KIAA1328: variants seen among roughly 807,000 people sequenced by gnomAD.
KIAA1328 encodes KIAA1328.
In KIAA1328, 52 loss-of-function variants were observed where a neutral mutation model predicts 68.1. The observed-to-expected ratio is 0.76, with a 90% CI of 0.61 to 0.96. The LOEUF (loss-of-function observed/expected upper bound fraction) is 0.96, where lower values mean the gene tolerates loss of function less well. Ranked by LOEUF, KIAA1328 falls within the 40% of genes least tolerant of loss-of-function variation. The pLI, the probability that KIAA1328 is intolerant of heterozygous loss-of-function variation, is 0.00. For missense variants in KIAA1328, 641 were observed against 677.6 expected (o/e 0.95, Z 0.60); for synonymous variants, 232 against 239.4 (o/e 0.97, Z 0.28).
At chr18:36,895,191 T>C (rs1172331946) in intron 5 of KIAA1328, among the ~76,000 whole-genome samples, 1 of 152,204 alleles carries the variant, frequency 6.6e-6, no homozygotes, top group East Asian at 1.9e-4. Flanking sequence ...TTGGGCACTG[T>C]TGTGTACTTG....
rs557604879 is a variant in KIAA1328, at chr18:37,145,885, T to C, written c.1233-14315T>C. On this transcript the variant is annotated intron_variant, in intron 7 of 9. Coordinates refer to ENST00000280020, the MANE Select transcript of KIAA1328 (RefSeq NM_020776.3). ...TTGTGAACAACGTGTGATTTTGTTCTGCATTTTTCTCTAGTCTGACAATCT... is the reference window on the plus strand; with the variant it reads ...TTGTGAACAACGTGTGATTTTGTTCCGCATTTTTCTCTAGTCTGACAATCT... 2.0e-5 allele frequency among the ~76,000 whole-genome samples: 3 copies of C among 152,308 alleles called. No homozygotes were observed. In the South Asian group the frequency reaches 6.2e-4, roughly 32 times the overall value.
In KIAA1328 at chr18:37,224,284, G is replaced by T; in HGVS notation, c.*2057G>T. 5.1e-6 allele frequency: 5 copies of T among 985,414 alleles called. No individual in the cohort carries two copies. The highest frequency in any genetic ancestry group is 6.0e-6 in the Non-Finnish European group (5 of 829,920). The allele number at this position is 985,414 out of a possible 1,614,324, so 61.0% of individuals were successfully genotyped here. On this transcript the variant is annotated 3_prime_UTR_variant, in exon 10 of 10. Transcript: ENST00000280020. ...GGATCACAGTTTCTTGAAGAAGCTT[G>T]TTTGCCTTTAGAAGAATCGTAAACA...
chr18:37,008,581 G>A (rs2053864096), intron 6 of KIAA1328, among the ~76,000 whole-genome samples: 1 of 152,124 alleles, frequency 6.6e-6, no homozygotes, highest in African/African-American at 2.4e-5. Flanking sequence ...CAACTCCAGG[G>A]TCAACCAGAT....
intron 4 of KIAA1328, among the ~76,000 whole-genome samples, 165 bp downstream of exon 4, chr18:36,844,467 T>TA (rs35273169): frequency 1.3e-5 from 2 of 151,930 alleles, no homozygotes; most frequent in African/African-American, 4.8e-5. Context: ...TCAAAAAGCT[T>TA]AAAAAAGAAG....
chr18:37,000,412 G>A (rs1299360961), intron 6 of KIAA1328, among the ~76,000 whole-genome samples: 1 of 151,958 alleles, frequency 6.6e-6, no homozygotes, highest in African/African-American at 2.4e-5. Flanking sequence ...GTAAAAGTGG[G>A]GGACTTCAAC....
At chr18:37,009,418 A>G (rs2053896704) in intron 6 of KIAA1328, among the ~76,000 whole-genome samples, 1 of 152,142 alleles carries the variant, frequency 6.6e-6, no homozygotes, top group African/African-American at 2.4e-5. Context: ...GGGAGTGGAT[A>G]TAGCAGGCAC....
At chr18:37,077,014 A>T (rs960560483) in intron 7 of KIAA1328, among the ~76,000 whole-genome samples, 1 of 152,088 alleles carries the variant, frequency 6.6e-6, no homozygotes, top group Non-Finnish European at 1.5e-5. Context: ...TACCAAAGCC[A>T]GGCAGAGACA....
At chr18:37,205,698 T>C (rs1038222526) in intron 9 of KIAA1328, among the ~76,000 whole-genome samples, 1 of 152,114 alleles carries the variant, frequency 6.6e-6, no homozygotes, top group Non-Finnish European at 1.5e-5. Context: ...AGAGAAGGAA[T>C]GTTGTGGTGG....
intron 9 of KIAA1328, among the ~76,000 whole-genome samples, chr18:37,204,118 T>G (rs1380656781): frequency 1.3e-5 from 2 of 152,146 alleles, no homozygotes; most frequent in Non-Finnish European, 2.9e-5. Context: ...CCGGTGAACC[T>G]AGATTCTAAG....
intron 5 of KIAA1328, among the ~76,000 whole-genome samples, chr18:36,917,849 T>G (rs1598707152): frequency 6.6e-6 from 1 of 152,210 alleles, no homozygotes. Flanking sequence ...GACTGAGGCC[T>G]ACACTCAGGC....
Position 36,876,031 on chromosome 18 carries a change from G to A in KIAA1328, c.333-9526G>A, listed in dbSNP as rs147470696. Among the ~76,000 whole-genome samples the A allele has an allele frequency of 6.5e-4, 99 of 152,190 alleles. 1 individual carries two copies. Among genetic ancestry groups the A allele is most frequent in the Middle Eastern group, 3.4e-3 (1 of 294 alleles). The stretch of plus-strand genomic sequence containing the variant: ...GGGATGAAGCTGACTTGATCTTGGT[G>A]GATAAGCTTTTTAATGTGCTAGTGG... On this transcript the variant is annotated intron_variant, in intron 4 of 9. Coordinates refer to ENST00000280020, the MANE Select transcript of KIAA1328 (RefSeq NM_020776.3).
intron 6 of KIAA1328, among the ~76,000 whole-genome samples, chr18:37,014,336 G>C (rs1337439142): frequency 6.6e-6 from 1 of 152,118 alleles, no homozygotes; most frequent in Non-Finnish European, 1.5e-5. Context: ...ACGTTCTTTA[G>C]TTTAATTGGA....
chr18:36,900,548 A>T (rs1205660380), intron 5 of KIAA1328, among the ~76,000 whole-genome samples: 1 of 152,010 alleles, frequency 6.6e-6, no homozygotes, highest in Non-Finnish European at 1.5e-5. Context: ...TTGCTTTAGT[A>T]TGAATTTATT....
chr18:36,898,927 G>A (rs1336488706), intron 5 of KIAA1328, among the ~76,000 whole-genome samples: 2 of 151,748 alleles, frequency 1.3e-5, no homozygotes, highest in Non-Finnish European at 2.9e-5. Context: ...ATTTGCAGTC[G>A]TGTCATCTGC....
At chr18:37,144,905 TC>T (rs2058860768) in intron 7 of KIAA1328, among the ~76,000 whole-genome samples, 1 of 152,168 alleles carries the variant, frequency 6.6e-6, no homozygotes, top group African/African-American at 2.4e-5. Flanking sequence ...TACTAACTTA[TC>T]CTGTGATTTT....
intron 6 of KIAA1328, among the ~76,000 whole-genome samples, chr18:36,972,511 A>G (rs1342528367): frequency 6.6e-6 from 1 of 152,202 alleles, no homozygotes; most frequent in East Asian, 1.9e-4. Context: ...CTAACCACAG[A>G]AGGATCAAAG....
intron 7 of KIAA1328, among the ~76,000 whole-genome samples, chr18:37,123,492 G>T (rs2058320255): frequency 2.0e-5 from 3 of 152,108 alleles, no homozygotes; most frequent in South Asian, 4.1e-4. Flanking sequence ...AATTTATTGA[G>T]AAATTAAGAG....
chr18:36,847,794 T>C (rs2047077835), intron 4 of KIAA1328, among the ~76,000 whole-genome samples: 1 of 151,650 alleles, frequency 6.6e-6, no homozygotes, highest in South Asian at 2.1e-4. Flanking sequence ...TAGTGCTCTA[T>C]ATATGAAATT....
At chr18:36,944,858 G>A (rs527685270) in intron 5 of KIAA1328, among the ~76,000 whole-genome samples, 33 of 152,294 alleles carry the variant, frequency 2.2e-4, no homozygotes, top group African/African-American at 7.2e-4. Context: ...CAAGAATCCA[G>A]TTTAAATAGA....
Sources: gnomAD v4.1 joint callset for allele counts (sites outside exome capture counted in the v4.1 genomes callset) on GRCh38, gnomAD v4.1.1 for gene constraint, MANE v1.5 for transcripts, NCBI Gene and HGNC (gene_info 2026-07-23, HGNC 2026-07-21) for gene names.